The following CNTLN variants were observed in gnomAD, a reference collection of about 807,000 sequenced individuals.
CNTLN encodes the protein centlein, centrosomal protein.
Under a neutral mutation model 180.0 loss-of-function variants are expected in CNTLN, and 212 were observed. That is an observed-to-expected ratio of 1.18 (90% confidence interval 1.05 to 1.32). CNTLN has a LOEUF of 1.32. Among genes scored for constraint, CNTLN ranks in the 40% most tolerant of loss-of-function variants. CNTLN has a pLI of 0.00. For synonymous variants in CNTLN, 722 were observed against 563.1 expected (o/e 1.28, Z -3.99); for missense variants, 2,095 against 1,610.9 (o/e 1.30, Z -5.14).
chr9:17,464,381 C>G, intron 20 of CNTLN, 116 bp from the exon 21 acceptor site: 2 of 795,458 alleles, frequency 2.5e-6, no homozygotes, highest in Non-Finnish European at 4.0e-6. Flanking sequence ...TTTACAGTGT[C>G]AATATCACGT....
At chr9:17,436,828 C>G (rs1329102218) in intron 18 of CNTLN, among the ~76,000 whole-genome samples, 1 of 152,160 alleles carries the variant, frequency 6.6e-6, no homozygotes, top group African/African-American at 2.4e-5. Flanking sequence ...GTTCACACCG[C>G]TAGTAATAAT....
intron 13 of CNTLN, among the ~76,000 whole-genome samples, chr9:17,382,378 A>G (rs1317264126): frequency 2.0e-5 from 3 of 152,236 alleles, no homozygotes; most frequent in Non-Finnish European, 4.4e-5. Context: ...AAAACAATCA[A>G]GCCTTCGGAA....
At chr9:17,311,353 A>G (rs1429906056) in intron 8 of CNTLN, among the ~76,000 whole-genome samples, 1 of 151,804 alleles carries the variant, frequency 6.6e-6, no homozygotes, top group Non-Finnish European at 1.5e-5. Flanking sequence ...AGGCGGATTA[A>G]TCATTTATAG....
intron 23 of CNTLN, among the ~76,000 whole-genome samples, chr9:17,478,731 C>A (rs1372531357): frequency 6.6e-6 from 1 of 152,104 alleles, no homozygotes; most frequent in Non-Finnish European, 1.5e-5. Flanking sequence ...TATCCAGCAT[C>A]ATTTACTGGA....
At chr9:17,397,442 C>G (rs1031128477) in intron 15 of CNTLN, among the ~76,000 whole-genome samples, 17 of 152,152 alleles carry the variant, frequency 1.1e-4, no homozygotes, top group African/African-American at 4.1e-4. Flanking sequence ...GGGTAACTTC[C>G]TGACGTTGCC....
At chr9:17,506,480 A>G (rs527755712), downstream of CNTLN, among the ~76,000 whole-genome samples, 102 of 152,248 alleles carry the variant, frequency 6.7e-4, no homozygotes, top group African/African-American at 2.1e-3. Flanking sequence ...TATGGCTGCT[A>G]TAAGTGAAAG....
chr9:17,139,564 G>T (rs1245337073), intron 1 of CNTLN, among the ~76,000 whole-genome samples: 1 of 151,882 alleles, frequency 6.6e-6, no homozygotes, highest in Non-Finnish European at 1.5e-5. Context: ...GGAAGCTGAG[G>T]CAGGAGAATT....
intron 18 of CNTLN, among the ~76,000 whole-genome samples, chr9:17,427,188 A>T (rs1030879333): frequency 6.6e-6 from 1 of 151,922 alleles, no homozygotes; most frequent in African/African-American, 2.4e-5. Context: ...ATTTCCATGC[A>T]GCAGGTGCTA....
At position 17,235,642 on chromosome 9, in the gene CNTLN, A is replaced by C; in HGVS notation, c.535-16A>C. 6.9e-7 allele frequency: 1 copy of C among 1,446,450 alleles called. No individual in the cohort carries two copies. The highest frequency in any genetic ancestry group is 9.0e-7 in the Non-Finnish European group (1 of 1,116,850). The allele number at this position is 1,446,450 out of a possible 1,614,324, so 89.6% of individuals were successfully genotyped here. ...AGAAATAAAAGCTCACCAGTAATTT[A>C]AATTTTTTTCCACAGAGAGAGTCAG... On this transcript the variant is annotated splice_polypyrimidine_tract_variant and intron_variant, in intron 3 of 25. Transcript: ENST00000380647.
At chr9:17,317,013 G>A (rs1819583598) in intron 8 of CNTLN, among the ~76,000 whole-genome samples, 1 of 151,376 alleles carries the variant, frequency 6.6e-6, no homozygotes, top group African/African-American at 2.4e-5. Context: ...AAATGCAATT[G>A]TCTTAAACCA....
chr9:17,340,799 T>C (rs1218733343), intron 10 of CNTLN, 28 bp from the exon 11 acceptor site: 14 of 1,587,338 alleles, frequency 8.8e-6, no homozygotes, highest in African/African-American at 1.4e-5. Flanking sequence ...TTCAAACTTA[T>C]ATATACTTGC....
At chr9:17,512,878 G>A in the CNTLN span, among the ~76,000 whole-genome samples, 7 of 152,128 alleles carry the variant, frequency 4.6e-5, no homozygotes, top group East Asian at 3.9e-4. Flanking sequence ...GTGTGGTGGC[G>A]CGATCTCAGC....
At chr9:17,290,092 T>G (rs902750248) in intron 6 of CNTLN, among the ~76,000 whole-genome samples, 6 of 152,176 alleles carry the variant, frequency 3.9e-5, no homozygotes, top group African/African-American at 1.4e-4. Flanking sequence ...GCTCTGCATT[T>G]AAGAGTGTCT....
At chr9:17,170,976 C>G (rs753545980) in intron 2 of CNTLN, among the ~76,000 whole-genome samples, 3 of 152,148 alleles carry the variant, frequency 2.0e-5, no homozygotes, top group African/African-American at 4.8e-5. Context: ...GAGTTATAGA[C>G]TGTACCATAT....
intron 6 of CNTLN, among the ~76,000 whole-genome samples, chr9:17,294,090 T>C (rs1480840206): frequency 1.3e-5 from 2 of 152,220 alleles, no homozygotes; most frequent in East Asian, 3.9e-4. Context: ...TTCCTTCTGG[T>C]GGATTCGTGG....
intron 18 of CNTLN, among the ~76,000 whole-genome samples, chr9:17,443,797 G>A (rs920794533): frequency 1.3e-5 from 2 of 152,188 alleles, no homozygotes; most frequent in Non-Finnish European, 2.9e-5. Flanking sequence ...AAGATCTTAA[G>A]TTTGGGGGAG....
At chr9:17,187,726 A>G (rs1266013901) in intron 2 of CNTLN, among the ~76,000 whole-genome samples, 1 of 151,294 alleles carries the variant, frequency 6.6e-6, no homozygotes, top group Non-Finnish European at 1.5e-5. Flanking sequence ...TATTGTTTTG[A>G]TATTTATAGA....
chr9:17,235,752 AC>A lies in CNTLN; in HGVS notation c.630del (p.Leu211TrpfsTer28). The A allele has an allele frequency of 3.7e-6, 6 of 1,604,622 alleles. No homozygotes were observed. Among genetic ancestry groups the A allele is most frequent in the Non-Finnish European group, 4.2e-6 (5 of 1,176,756 alleles). On this transcript the variant is annotated frameshift_variant, in exon 4 of 26. Coordinates refer to ENST00000380647, the MANE Select transcript of CNTLN (RefSeq NM_017738.4). LOFTEE classifies it high-confidence loss of function. ...ENAFLRKEFSDLEKKFKDKSQ... is the reference protein window; with the variant it reads ...ENAFLRKEFSXLEKKFKDKSQ... ...GCTTTCTTAAGGAAAGAATTCAGTG[AC>A]TTGGAGAAGAAATTTAAAGATAAAA... is the stretch of plus-strand genomic sequence containing the variant.
chr9:17,268,991 T>G (rs1462668566), intron 5 of CNTLN, among the ~76,000 whole-genome samples: 1 of 152,078 alleles, frequency 6.6e-6, no homozygotes, highest in Non-Finnish European at 1.5e-5. Context: ...GCTTCCCGAG[T>G]TAGGCCATGC....
Sources: gnomAD v4.1 joint callset for allele counts (sites outside exome capture counted in the v4.1 genomes callset) on GRCh38, gnomAD v4.1.1 for gene constraint, MANE v1.5 for transcripts, NCBI Gene and HGNC (gene_info 2026-07-23, HGNC 2026-07-21) for gene names.